Variants in KIAA1549L observed in about 807,000 individuals in gnomAD.
The protein encoded by KIAA1549L is KIAA1549 like.
Under a neutral mutation model 160.7 loss-of-function variants are expected in KIAA1549L, and 88 were observed. The observed-to-expected ratio is 0.55, with a 90% CI of 0.46 to 0.65. The LOEUF is 0.65. Ranked by LOEUF, KIAA1549L falls within the 30% of genes least tolerant of loss-of-function variation. KIAA1549L has a pLI of 0.00. For synonymous variants in KIAA1549L, 950 were observed against 976.7 expected, an observed-to-expected ratio of 0.97 and a Z score of 0.51; for missense variants, 2,258 against 2,437.5, an observed-to-expected ratio of 0.93 and a Z score of 1.55.
chr11:33,432,141 G>A (rs894713865), intron 1 of KIAA1549L, among the ~76,000 whole-genome samples: 2 of 152,186 alleles, frequency 1.3e-5, no homozygotes, highest in Non-Finnish European at 2.9e-5. Flanking sequence ...ACACCTCCCC[G>A]CAAGCTGAGG....
At chr11:33,657,361 C>G (rs529306679) in intron 18 of KIAA1549L, among the ~76,000 whole-genome samples, 1 of 152,292 alleles carries the variant, frequency 6.6e-6, no homozygotes, top group African/African-American at 2.4e-5. Context: ...TCCCAGGCCC[C>G]TCCACGCCAT....
At chr11:33,383,614 C>G (rs970600787) in intron 1 of KIAA1549L, among the ~76,000 whole-genome samples, 2 of 152,180 alleles carry the variant, frequency 1.3e-5, no homozygotes, top group Non-Finnish European at 2.9e-5. Context: ...ATAGTGAGAA[C>G]AGGCTAGGCC....
intron 1 of KIAA1549L, among the ~76,000 whole-genome samples, chr11:33,408,489 G>GTGTATATA (rs34208718): frequency 0.017 from 2,145 of 123,014 alleles, 88 homozygotes; most frequent in South Asian, 0.16. Context: ...CTGTATATGT[G>GTGTATATA]TATATATATA....
At chr11:33,463,292 AT>A (rs1358646382) in intron 1 of KIAA1549L, among the ~76,000 whole-genome samples, 1 of 151,986 alleles carries the variant, frequency 6.6e-6, no homozygotes, top group Non-Finnish European at 1.5e-5. Flanking sequence ...AGTCATCCTT[AT>A]TGTTGACTCA....
chr11:33,381,901 G>A (rs375374558), intron 1 of KIAA1549L, among the ~76,000 whole-genome samples: 1 of 152,204 alleles, frequency 6.6e-6, no homozygotes, highest in South Asian at 2.1e-4. Context: ...TTTGGCTCAA[G>A]CAACTGGGAA....
At position 33,542,967 on chromosome 11, in the gene KIAA1549L, T is replaced by C; in HGVS notation, c.1404T>C (p.Ser468=). Residue 468 remains serine, a synonymous_variant, in exon 2 of 21, where the codon TCT becomes TCC. Transcript: ENST00000658780. ...RGPALSAEHT[S]SLVPSLHITT... is the part of the protein sequence containing the mutation. ...CCGCCCTTTCGGCAGAACACACCTC[T>C]TCTTTGGTGCCTTCTCTGCATATCA... 4 of 1,614,048 alleles carry C rather than the reference T, an allele frequency of 2.5e-6. No homozygotes were observed. Among genetic ancestry groups the C allele is most frequent in the South Asian group, 1.1e-5 (1 of 91,092 alleles).
chr11:33,416,413 C>T (rs920769111), intron 1 of KIAA1549L, among the ~76,000 whole-genome samples: 19 of 151,732 alleles, frequency 1.3e-4, no homozygotes, highest in African/African-American at 4.4e-4. Context: ...TTTATGTAGT[C>T]GGCTCTTCAT....
intron 1 of KIAA1549L, among the ~76,000 whole-genome samples, chr11:33,528,146 A>G (rs922891766): frequency 6.6e-6 from 1 of 152,150 alleles, no homozygotes; most frequent in African/African-American, 2.4e-5. Context: ...TTTTTCCTTT[A>G]TAAATTACCC....
At chr11:33,639,301 A>G (rs1851523574) in intron 16 of KIAA1549L, among the ~76,000 whole-genome samples, 1 of 152,174 alleles carries the variant, frequency 6.6e-6, no homozygotes, top group African/African-American at 2.4e-5. Flanking sequence ...TTAAAACAAC[A>G]TTAAAAGAAT....
chr11:33,581,187 A>C (rs1855630830), intron 10 of KIAA1549L, among the ~76,000 whole-genome samples: 1 of 152,190 alleles, frequency 6.6e-6, no homozygotes, highest in African/African-American at 2.4e-5. Context: ...TGGACTGAGC[A>C]CTAGCCATCC....
intron 1 of KIAA1549L, among the ~76,000 whole-genome samples, chr11:33,477,520 A>AAC (rs57378048): frequency 0.027 from 3,963 of 146,928 alleles, 100 homozygotes; most frequent in East Asian, 0.13. Flanking sequence ...CACACACACA[A>AAC]ACACACACAC....
chr11:33,410,492 T>G (rs1386662680), intron 1 of KIAA1549L, among the ~76,000 whole-genome samples: 1 of 152,220 alleles, frequency 6.6e-6, no homozygotes, highest in African/African-American at 2.4e-5. Flanking sequence ...TATAACACAT[T>G]TCTTACTCCA....
At chr11:33,573,955 T>C (rs888041830) in intron 9 of KIAA1549L, among the ~76,000 whole-genome samples, 3 of 152,192 alleles carry the variant, frequency 2.0e-5, no homozygotes, top group Non-Finnish European at 4.4e-5. Flanking sequence ...GTTTATGCTT[T>C]TGTTATATTT....
At chr11:33,471,591 G>C (rs1852179830) in intron 1 of KIAA1549L, among the ~76,000 whole-genome samples, 1 of 152,130 alleles carries the variant, frequency 6.6e-6, no homozygotes, top group Admixed American at 6.5e-5. Flanking sequence ...TTCAGGTTTT[G>C]AAGAAAACAA....
At chr11:33,557,130 G>C (rs1191493787) in intron 6 of KIAA1549L, among the ~76,000 whole-genome samples, 1 of 152,076 alleles carries the variant, frequency 6.6e-6, no homozygotes, top group Non-Finnish European at 1.5e-5. Flanking sequence ...TGGGACTAAA[G>C]GCATGCAACA....
chr11:33,543,575 C>A lies in KIAA1549L; in HGVS notation c.2012C>A (p.Ala671Glu). ...GCTTCAGCTTCCAAACAGGTGAGAG[C>A]ATCGCCCTCCTCCATGGATGTATAT... The part of the protein sequence containing the change: ...LPASASKQVR[A>E]SPSSMDVYDS... Residue 671 changes from alanine to glutamate, a missense_variant, in exon 2 of 21, where the codon GCA (alanine) becomes GAA (glutamate). Around this residue, in one of 6 missense-constraint regions of KIAA1549L, gnomAD observed 287 missense variants for 292.3 expected, o/e 0.98. Coordinates refer to ENST00000658780, the MANE Select transcript of KIAA1549L (RefSeq NM_012194.3). 6.2e-7 allele frequency: 1 copy of A among 1,614,048 alleles called. No individual in the cohort carries two copies. Among genetic ancestry groups the A allele is most frequent in the Non-Finnish European group, 8.5e-7 (1 of 1,179,890 alleles).
intron 1 of KIAA1549L, among the ~76,000 whole-genome samples, chr11:33,424,646 A>G (rs1851082478): frequency 6.6e-6 from 1 of 152,316 alleles, no homozygotes; most frequent in African/African-American, 2.4e-5. Context: ...TTGTATTTTT[A>G]TCTTTTAATT....
At chr11:33,570,248 C>G (rs184317051) in intron 9 of KIAA1549L, among the ~76,000 whole-genome samples, 2 of 152,160 alleles carry the variant, frequency 1.3e-5, no homozygotes, top group East Asian at 3.9e-4. Context: ...ATGATCCACC[C>G]ACCTCAGCCT....
intron 1 of KIAA1549L, among the ~76,000 whole-genome samples, chr11:33,514,043 T>C (rs1853285152): frequency 6.6e-6 from 1 of 152,238 alleles, no homozygotes; most frequent in Non-Finnish European, 1.5e-5. Flanking sequence ...CAGCTCCCTC[T>C]GCACCGGTTA....
Sources: gnomAD v4.1 joint callset for allele counts (sites outside exome capture counted in the v4.1 genomes callset) on GRCh38, gnomAD v4.1.1 for gene constraint, gnomAD v4.1.1 regional missense constraint, MANE v1.5 for transcripts, NCBI Gene and HGNC (gene_info 2026-07-23, HGNC 2026-07-21) for gene names.